Variants in TNN observed in about 807,000 individuals in gnomAD.
TNN encodes tenascin N, also known as tenascin-N.
In TNN, 122 loss-of-function variants were observed where a neutral mutation model predicts 134.4. That is an observed-to-expected ratio of 0.91 (90% CI 0.78 to 1.06). TNN has a LOEUF of 1.06. Among genes scored for constraint, TNN ranks in the 50% least tolerant of loss-of-function variants. TNN has a pLI of 0.00. For missense variants in TNN, 1,739 were observed against 1,699.4 expected, an observed-to-expected ratio of 1.02 and a Z score of -0.41; for synonymous variants, 710 against 670.3, an observed-to-expected ratio of 1.06 and a Z score of -0.91.
At chr1:175,077,315 TG>T (rs1674062502) in intron 1 of TNN, 68 bp from the exon 2 acceptor site, 6 of 1,218,002 alleles carry the variant, frequency 4.9e-6, no homozygotes, top group Admixed American at 4.6e-5. Context: ...TCTTAGAATC[TG>T]GTAAAAAAAA....
At chr1:175,122,260 C>T (rs1341549895) in intron 11 of TNN, among the ~76,000 whole-genome samples, 1 of 151,220 alleles carries the variant, frequency 6.6e-6, no homozygotes, top group Non-Finnish European at 1.5e-5. Flanking sequence ...TGGTGGCATG[C>T]ACCTGTATTC....
At chr1:175,108,165 A>G (rs1395428820) in intron 9 of TNN, among the ~76,000 whole-genome samples, 1 of 151,806 alleles carries the variant, frequency 6.6e-6, no homozygotes, top group Non-Finnish European at 1.5e-5. Context: ...TGATTGGTGC[A>G]CTCACAAACC....
chr1:175,117,428 A>T (rs1396897175), intron 10 of TNN, among the ~76,000 whole-genome samples: 1 of 152,194 alleles, frequency 6.6e-6, no homozygotes, highest in Non-Finnish European at 1.5e-5. Flanking sequence ...TTACATGGTC[A>T]TGTCCATCAA....
intron 9 of TNN, among the ~76,000 whole-genome samples, chr1:175,105,543 A>G (rs897060778): frequency 4.8e-5 from 7 of 145,532 alleles, no homozygotes; most frequent in Non-Finnish European, 9.1e-5. Context: ...TCCCTCAATG[A>G]AAAGAAAGCT....
chr1:175,079,855 G>C (rs563058578), intron 3 of TNN, 148 bp downstream of exon 3: 1 of 1,192,204 alleles, frequency 8.4e-7, no homozygotes, highest in Non-Finnish European at 1.1e-6. Context: ...CTGATTCTGC[G>C]ATGGGGCCTA....
chr1:175,073,716 G>A (rs113792089), intron 1 of TNN, among the ~76,000 whole-genome samples: 20 of 152,330 alleles, frequency 1.3e-4, no homozygotes, highest in African/African-American at 4.8e-4. Context: ...AAAGAAGGGA[G>A]AGGGCACTTT....
At chr1:175,097,280 C>G in intron 7 of TNN, 137 bp from the exon 8 acceptor site, 1 of 1,127,700 alleles carries the variant, frequency 8.9e-7, no homozygotes. Context: ...CTTAATTAGA[C>G]CTTTACATTA....
In TNN at chr1:175,119,030, G is replaced by A. The variant is rs150584787; in HGVS notation, c.2650+206G>A. Among the ~76,000 whole-genome samples, 575 of 152,336 alleles carry A rather than the reference G, an allele frequency of 3.8e-3. 5 individuals are homozygous for A. Among genetic ancestry groups the A allele is most frequent in the Admixed American group, 6.4e-3 (98 of 15,304 alleles). On this transcript the variant is annotated intron_variant, in intron 11 of 18. Coordinates refer to ENST00000239462, the MANE Select transcript of TNN (RefSeq NM_022093.2). ...TTCATTCACCCAAAGAAAGAACAAC[G>A]TGTTATAGGAAAGGCGTCCCGATCC...
chr1:175,089,556 TACTA>T (rs1475663278), intron 6 of TNN, among the ~76,000 whole-genome samples: 3 of 152,250 alleles, frequency 2.0e-5, no homozygotes, highest in African/African-American at 7.2e-5. Context: ...AAAGGGAGGC[TACTA>T]ACTGAGAGGT....
chr1:175,101,128 C>T (rs978890848), intron 9 of TNN, among the ~76,000 whole-genome samples: 9 of 152,206 alleles, frequency 5.9e-5, no homozygotes, highest in Admixed American at 1.3e-4. Flanking sequence ...AATGAAGCTG[C>T]GGACCCTCGC....
chr1:175,116,476 T>G lies in TNN; in HGVS notation c.2120-463T>G, dbSNP rs528280997. ...CTTGCCCCAAGTCACAAAAACAAGT[T>G]AGTAAGTTATGAAATTAGTTACATG... On this transcript the variant is annotated intron_variant, in intron 9 of 18. Transcript: ENST00000239462. Among the ~76,000 whole-genome samples the G allele has an allele frequency of 2.7e-3, 405 of 152,320 alleles. 1 individual carries two copies. The highest frequency in any genetic ancestry group is 4.4e-3 in the Non-Finnish European group (301 of 68,020).
At position 175,128,075 on chromosome 1, in the gene TNN, G is replaced by A; in HGVS notation, c.3089G>A (p.Gly1030Asp). Residue 1030 changes from glycine to aspartate, a missense_variant, in exon 14 of 19, where the codon GGC (glycine) becomes GAC (aspartate). By Grantham distance (94) the Gly-to-Asp change is moderately conservative. Coordinates refer to ENST00000239462, the MANE Select transcript of TNN (RefSeq NM_022093.2). ...GREDQRFALQ[G>D]LEQGATYPVS... ...GAAGACCAGAGGTTTGCGTTGCAAG[G>A]CCTTGAGCAAGGCGCCACCTACCCT... is the stretch of plus-strand genomic sequence containing the variant. The A allele has an allele frequency of 6.2e-7, 1 of 1,614,152 alleles. No individual in the cohort carries two copies. The highest frequency in any genetic ancestry group is 8.5e-7 in the Non-Finnish European group (1 of 1,180,014).
At position 175,136,876 on chromosome 1, in the gene TNN, A is replaced by G. The variant is rs142140739; in HGVS notation, c.3483A>G (p.Arg1161=). The stretch of plus-strand genomic sequence containing the variant: ...GCACTCCAGCGCGGTATGAGGTGAG[A>G]GTGGATTTACAGACTGCCAATGAAT... ...TTGTPARYEV[R]VDLQTANESA... Residue 1161 remains arginine, a synonymous_variant, in exon 17 of 19, where the codon AGA becomes AGG. Coordinates refer to ENST00000239462, the MANE Select transcript of TNN (RefSeq NM_022093.2). 1 of 1,614,154 alleles carries G rather than the reference A, an allele frequency of 6.2e-7. No homozygotes were observed. Among genetic ancestry groups the G allele is most frequent in the East Asian group, 2.2e-5 (1 of 44,884 alleles).
intron 15 of TNN, among the ~76,000 whole-genome samples, chr1:175,129,105 G>A (rs1175707463): frequency 6.6e-6 from 1 of 152,140 alleles, no homozygotes; most frequent in Non-Finnish European, 1.5e-5. Context: ...CTATGTACAA[G>A]ACTTGTTTAT....
At chr1:175,079,196 C>A (rs1282772289) in intron 2 of TNN, 137 bp from the exon 3 acceptor site, 1 of 1,089,656 alleles carries the variant, frequency 9.2e-7, no homozygotes, top group Non-Finnish European at 1.2e-6. Context: ...AAAAAATAGC[C>A]GTGCAAGACC....
intron 12 of TNN, among the ~76,000 whole-genome samples, chr1:175,125,456 C>T (rs546259391): frequency 6.6e-6 from 1 of 152,086 alleles, no homozygotes; most frequent in East Asian, 1.9e-4. Flanking sequence ...TGCTTACCCA[C>T]GCGTTCCCTC....
intron 15 of TNN, among the ~76,000 whole-genome samples, chr1:175,133,263 C>T (rs1032861238): frequency 2.0e-5 from 3 of 152,216 alleles, no homozygotes; most frequent in Non-Finnish European, 4.4e-5. Context: ...TGCCTTCCTT[C>T]TCCAAACAGT....
chr1:175,128,537 C>G, intron 14 of TNN, 58 bp from the exon 15 acceptor site: 6 of 1,514,880 alleles, frequency 4.0e-6, no homozygotes, highest in Non-Finnish European at 5.3e-6. Flanking sequence ...TAGGAAGAAA[C>G]TCCACCTCTT....
intron 12 of TNN, among the ~76,000 whole-genome samples, chr1:175,126,231 A>G (rs1177637818): frequency 1.3e-5 from 2 of 150,446 alleles, no homozygotes; most frequent in Non-Finnish European, 3.0e-5. Flanking sequence ...CCTCCCGAGT[A>G]GCTGGGATGA....
Sources: allele counts gnomAD v4.1 joint callset (sites outside exome capture counted in the v4.1 genomes callset), GRCh38; gene constraint gnomAD v4.1.1; transcripts MANE v1.5; gene names NCBI Gene and HGNC (gene_info 2026-07-23, HGNC 2026-07-21).